Variants in SORCS2 observed in about 807,000 individuals in gnomAD.
The protein encoded by SORCS2 is sortilin related VPS10 domain containing receptor 2, also known as VPS10 domain-containing receptor SorCS2.
SORCS2 carries 100 observed loss-of-function variants against 141.6 expected under a neutral mutation model. That is an observed-to-expected ratio of 0.71 (90% CI 0.60 to 0.83). SORCS2 has a LOEUF of 0.83. Among genes scored for constraint, SORCS2 ranks in the 40% least tolerant of loss-of-function variants. SORCS2 has a pLI of 0.00. For synonymous variants in SORCS2, 789 were observed against 676.9 expected (o/e 1.17, Z -2.57); for missense variants, 1,646 against 1,560.2 (o/e 1.05, Z -0.93).
chr4:7,283,485 G>C (rs953102521), intron 1 of SORCS2, among the ~76,000 whole-genome samples: 1 of 152,164 alleles, frequency 6.6e-6, no homozygotes, highest in African/African-American at 2.4e-5. Context: ...GCCTCAGGGC[G>C]GGGGTCTGGA....
At chr4:7,375,063 C>T (rs181443368) in intron 1 of SORCS2, among the ~76,000 whole-genome samples, 63 of 152,246 alleles carry the variant, frequency 4.1e-4, no homozygotes, top group Middle Eastern at 3.4e-3. Context: ...GTGGAATGTG[C>T]AGGGTAAGTC....
At chr4:7,553,318 A>G (rs1379781234) in intron 3 of SORCS2, among the ~76,000 whole-genome samples, 1 of 152,204 alleles carries the variant, frequency 6.6e-6, no homozygotes, top group Non-Finnish European at 1.5e-5. Context: ...AGGGGGGAAA[A>G]AAAACCATGT....
chr4:7,280,757 G>C (rs1372404511), intron 1 of SORCS2, among the ~76,000 whole-genome samples: 2 of 152,172 alleles, frequency 1.3e-5, no homozygotes, highest in Non-Finnish European at 2.9e-5. Context: ...GTAAAATACA[G>C]AGATGACTAG....
At chr4:7,358,573 G>C (rs755148628) in intron 1 of SORCS2, among the ~76,000 whole-genome samples, 3 of 152,218 alleles carry the variant, frequency 2.0e-5, no homozygotes, top group Non-Finnish European at 4.4e-5. Context: ...TTCAACTCTT[G>C]AAGTATTGCG....
chr4:7,556,867 A>G (rs1394176108), intron 3 of SORCS2, among the ~76,000 whole-genome samples: 1 of 142,112 alleles, frequency 7.0e-6, no homozygotes, highest in Admixed American at 7.0e-5. Context: ...GTCACCCACC[A>G]TCCATCCATC....
intron 3 of SORCS2, among the ~76,000 whole-genome samples, chr4:7,637,849 A>T (rs1720371264): frequency 6.6e-6 from 1 of 150,648 alleles, no homozygotes; most frequent in African/African-American, 2.5e-5. Context: ...TCCATGAATG[A>T]ATAAATGAAT....
Position 7,540,781 on chromosome 4 carries a change from G to GC in SORCS2, c.648+9158dup, listed in dbSNP as rs1173871275. 2.0e-5 allele frequency among the ~76,000 whole-genome samples: 3 copies of GC among 152,162 alleles called. No homozygotes were observed. In the South Asian group the frequency reaches 6.2e-4, roughly 32 times the overall value. ...TATTTCCTGGCTTTCCGACCCCCCT[G>GC]CCCCCCGCACCCCGGGTGTGAAGTG... is the stretch of plus-strand genomic sequence containing the variant. On this transcript the variant is annotated intron_variant, in intron 3 of 26. Coordinates refer to ENST00000507866, the MANE Select transcript of SORCS2 (RefSeq NM_020777.3).
At chr4:7,689,446 A>G (rs1231326422) in intron 10 of SORCS2, 40 bp from the exon 11 acceptor site, 1 of 1,538,570 alleles carries the variant, frequency 6.5e-7, no homozygotes, top group Non-Finnish European at 8.8e-7. Context: ...GGATGCTCCT[A>G]CTCATGTGTT....
intron 1 of SORCS2, among the ~76,000 whole-genome samples, chr4:7,395,306 A>G (rs1229987831): frequency 6.6e-6 from 1 of 152,186 alleles, no homozygotes; most frequent in African/African-American, 2.4e-5. Context: ...ACCGTTGGGG[A>G]TGACCAGGGT....
intron 3 of SORCS2, among the ~76,000 whole-genome samples, chr4:7,562,190 T>C (rs1293998398): frequency 6.6e-6 from 1 of 152,106 alleles, no homozygotes; most frequent in Admixed American, 6.5e-5. Context: ...CATGATTGTG[T>C]TGGGAAAAGG....
chr4:7,495,299 G>A (rs548524512), intron 2 of SORCS2, among the ~76,000 whole-genome samples: 3 of 152,214 alleles, frequency 2.0e-5, no homozygotes, highest in Non-Finnish European at 2.9e-5. Flanking sequence ...AGGAGGCTAC[G>A]GCAGAAAGCG....
chr4:7,685,876 G>A (rs1404591368), intron 10 of SORCS2, among the ~76,000 whole-genome samples: 1 of 152,134 alleles, frequency 6.6e-6, no homozygotes. Context: ...TGAGGACTTA[G>A]CGCTCATAAA....
At position 7,511,823 on chromosome 4, in the gene SORCS2, C is replaced by T. The variant is rs572359603; in HGVS notation, c.549-19707C>T. 2.5e-3 allele frequency among the ~76,000 whole-genome samples: 377 copies of T among 152,296 alleles called. 1 individual carries two copies. Among genetic ancestry groups the T allele is most frequent in the African/African-American group, 8.3e-3 (343 of 41,564 alleles). On this transcript the variant is annotated intron_variant, in intron 2 of 26. Coordinates refer to ENST00000507866, the MANE Select transcript of SORCS2 (RefSeq NM_020777.3). ...CTCAGATGCAGAAAATTCAGGCAAG[C>T]TTTGGCCTGGCCTGTTTCCAGTTAA...
chr4:7,607,914 C>A (rs1718163646), intron 3 of SORCS2, among the ~76,000 whole-genome samples: 1 of 152,184 alleles, frequency 6.6e-6, no homozygotes. Flanking sequence ...AAGTCACAGT[C>A]CCCGGCTGGC....
In SORCS2 at chr4:7,420,318, C is replaced by T. The variant is rs552824053; in HGVS notation, c.548+23963C>T. Reference sequence around the variant, plus strand: ...GCTCTCTGGGCCTCAGAGTCCCCATCTGTAAAATGGGCACAGTGATATTCT... The same window carrying T: ...GCTCTCTGGGCCTCAGAGTCCCCATTTGTAAAATGGGCACAGTGATATTCT... On this transcript the variant is annotated intron_variant, in intron 2 of 26. Coordinates refer to ENST00000507866, the MANE Select transcript of SORCS2 (RefSeq NM_020777.3). Among the ~76,000 whole-genome samples, 18 of 152,344 alleles carry T rather than the reference C, an allele frequency of 1.2e-4. No individual in the cohort carries two copies. In the East Asian group the frequency reaches 3.3e-3, roughly 28 times the overall value.
chr4:7,567,054 C>A (rs181777987), intron 3 of SORCS2, among the ~76,000 whole-genome samples: 1 of 152,312 alleles, frequency 6.6e-6, no homozygotes, highest in East Asian at 1.9e-4. Context: ...GACTCCAACA[C>A]CCCTATTTAT....
At chr4:7,627,980 C>T (rs1050691584) in intron 3 of SORCS2, among the ~76,000 whole-genome samples, 5 of 152,224 alleles carry the variant, frequency 3.3e-5, no homozygotes, top group East Asian at 3.9e-4. Flanking sequence ...GGGGGCCTGG[C>T]GAGGACGCCA....
chr4:7,430,953 C>A (rs1010088222), intron 2 of SORCS2: 91 of 152,384 alleles, frequency 6.0e-4, no homozygotes, highest in African/African-American at 2.1e-3. Context: ...TGCCTTTAGA[C>A]CCCAAGGCAG....
At chr4:7,447,460 G>A (rs531991456) in intron 2 of SORCS2, among the ~76,000 whole-genome samples, 23 of 152,348 alleles carry the variant, frequency 1.5e-4, no homozygotes, top group Non-Finnish European at 2.6e-4. Context: ...GCTTAGGGAA[G>A]TTCAGAGCCA....
Sources: gnomAD v4.1 joint callset for allele counts (sites outside exome capture counted in the v4.1 genomes callset) on GRCh38, gnomAD v4.1.1 for gene constraint, MANE v1.5 for transcripts, NCBI Gene and HGNC (gene_info 2026-07-23, HGNC 2026-07-21) for gene names.